Variants in NKAIN3 observed in about 807,000 individuals in gnomAD.
The protein encoded by NKAIN3 is sodium/potassium transporting ATPase interacting 3, also known as sodium/potassium-transporting ATPase subunit beta-1-interacting protein 3.
NKAIN3 carries 25 observed loss-of-function variants against 30.2 expected under a neutral mutation model. The observed-to-expected ratio is 0.83, with a 90% CI of 0.60 to 1.16. The LOEUF (loss-of-function observed/expected upper bound fraction) is 1.16. NKAIN3 is among the 50% of genes most tolerant of loss of function. NKAIN3 has a pLI of 0.00. For missense variants in NKAIN3, 225 were observed against 254.1 expected, an observed-to-expected ratio of 0.89 and a Z score of 0.78; for synonymous variants, 91 against 89.6, an observed-to-expected ratio of 1.02 and a Z score of -0.09.
chr8:62,252,066 C>A (rs554481145), intron 1 of NKAIN3, among the ~76,000 whole-genome samples: 1 of 152,264 alleles, frequency 6.6e-6, no homozygotes, highest in South Asian at 2.1e-4. Flanking sequence ...CCCGTATAAG[C>A]CTGCTTCAGC....
chr8:62,531,330 C>T (rs556620072), intron 1 of NKAIN3, among the ~76,000 whole-genome samples: 2 of 152,312 alleles, frequency 1.3e-5, no homozygotes, highest in South Asian at 4.1e-4. Context: ...ACCCCACACT[C>T]TACTAAATCT....
At chr8:62,828,805 C>T (rs1421827294) in intron 4 of NKAIN3, among the ~76,000 whole-genome samples, 1 of 152,108 alleles carries the variant, frequency 6.6e-6, no homozygotes, top group Non-Finnish European at 1.5e-5. Context: ...CAAGCAGCTC[C>T]GTAGATAATC....
At chr8:62,581,800 C>CCCTCCCTTCCTTCTATCCTTT (rs1810304251) in intron 2 of NKAIN3, among the ~76,000 whole-genome samples, 1 of 68,696 alleles carries the variant, frequency 1.5e-5, no homozygotes, top group African/African-American at 5.7e-5. Flanking sequence ...TCCCACCTAT[C>CCCTCCCTTCCTTCTATCCTTT]CTCCCTCCCT....
chr8:62,376,518 G>GCCC (rs1817089167), intron 1 of NKAIN3, among the ~76,000 whole-genome samples: 1 of 152,160 alleles, frequency 6.6e-6, no homozygotes. Context: ...GGACTCCCAG[G>GCCC]TGAGTCCTTC....
At chr8:62,330,422 G>A (rs1319959869) in intron 1 of NKAIN3, among the ~76,000 whole-genome samples, 2 of 151,996 alleles carry the variant, frequency 1.3e-5, no homozygotes, top group Non-Finnish European at 2.9e-5. Flanking sequence ...GTGGCAGTAG[G>A]AAAGAGAGGG....
chr8:62,555,312 A>G (rs1809353255), intron 1 of NKAIN3, among the ~76,000 whole-genome samples: 1 of 152,194 alleles, frequency 6.6e-6, no homozygotes, highest in South Asian at 2.1e-4. Context: ...GACATAGAAT[A>G]TTAAATAAGT....
intron 1 of NKAIN3, among the ~76,000 whole-genome samples, chr8:62,422,343 T>A (rs2129596848): frequency 6.6e-6 from 1 of 152,262 alleles, no homozygotes; most frequent in East Asian, 1.9e-4. Flanking sequence ...AGATTAGGAA[T>A]CTTTCTCTTG....
chr8:62,694,911 C>T (rs1586097850), intron 3 of NKAIN3, among the ~76,000 whole-genome samples: 5 of 152,270 alleles, frequency 3.3e-5, no homozygotes, highest in Middle Eastern at 3.4e-3. Context: ...ACGTCCTAAA[C>T]CCCAGTAATC....
intron 4 of NKAIN3, among the ~76,000 whole-genome samples, chr8:62,917,037 A>G (rs1822128206): frequency 6.6e-6 from 1 of 151,432 alleles, no homozygotes; most frequent in Admixed American, 6.6e-5. Flanking sequence ...CCAAAGTACC[A>G]CCATCCTTCT....
intron 4 of NKAIN3, among the ~76,000 whole-genome samples, chr8:62,832,558 A>ATTATCATTATAATGATATT (rs1819231298): frequency 1.4e-5 from 2 of 147,032 alleles, no homozygotes; most frequent in Non-Finnish European, 2.9e-5. Context: ...TGGAGTAAAC[A>ATTATCATTATAATGATATT]TTATCATTAT....
At chr8:62,911,562 A>G (rs1455432463) in intron 4 of NKAIN3, among the ~76,000 whole-genome samples, 6 of 152,094 alleles carry the variant, frequency 3.9e-5, no homozygotes, top group African/African-American at 7.2e-5. Context: ...AGTGACACTG[A>G]AAGAAAATCC....
At chr8:62,360,280 C>G (rs1816510336) in intron 1 of NKAIN3, among the ~76,000 whole-genome samples, 2 of 152,154 alleles carry the variant, frequency 1.3e-5, no homozygotes, top group Admixed American at 1.3e-4. Flanking sequence ...AAGATTGTGT[C>G]TAAATCCCTG....
At chr8:62,932,995 A>AACACACACACACAC (rs59854103) in intron 5 of NKAIN3, among the ~76,000 whole-genome samples, 3,717 of 141,790 alleles carry the variant, frequency 0.026, 84 homozygotes, top group African/African-American at 0.065. Context: ...TCACTCAATG[A>AACACACACACACAC]ACACACACAC....
At chr8:62,320,220 G>C (rs188465091) in intron 1 of NKAIN3, among the ~76,000 whole-genome samples, 1 of 152,012 alleles carries the variant, frequency 6.6e-6, no homozygotes, top group Non-Finnish European at 1.5e-5. Flanking sequence ...TTGAGCCTAC[G>C]TGTGTCTCTG....
intron 4 of NKAIN3, among the ~76,000 whole-genome samples, chr8:62,888,865 T>A (rs1821220703): frequency 6.6e-6 from 1 of 152,194 alleles, no homozygotes; most frequent in Non-Finnish European, 1.5e-5. Context: ...ATGAGTTATG[T>A]ATTTATGTGT....
Position 62,728,935 on chromosome 8 carries a change from A to T in NKAIN3, c.274-17997A>T, listed in dbSNP as rs1427965417. Among the ~76,000 whole-genome samples, 3 of 150,586 alleles carry T rather than the reference A, an allele frequency of 2.0e-5. No homozygotes were observed. The East Asian group carries it at 5.9e-4, about 30-fold the overall frequency. On this transcript the variant is annotated intron_variant, in intron 3 of 6. Transcript: ENST00000623646. ...AACCCGGAAGGCGGAGCTTGCAGTGAGCCGAGATCACGCCACTGCACTCCA... is the reference window on the plus strand; with the variant it reads ...AACCCGGAAGGCGGAGCTTGCAGTGTGCCGAGATCACGCCACTGCACTCCA...
chr8:62,671,173 T>G (rs1215838790), intron 3 of NKAIN3, among the ~76,000 whole-genome samples: 4 of 152,196 alleles, frequency 2.6e-5, no homozygotes, highest in Non-Finnish European at 4.4e-5. Flanking sequence ...TCTCCCAGGA[T>G]GAGACCAGAT....
chr8:62,414,965 T>G (rs978781974), intron 1 of NKAIN3, among the ~76,000 whole-genome samples: 20 of 150,086 alleles, frequency 1.3e-4, no homozygotes, highest in Non-Finnish European at 4.4e-5. Context: ...TATTTTGAGT[T>G]GAATCTCAGG....
chr8:62,753,695 A>G (rs1429647101), intron 4 of NKAIN3, among the ~76,000 whole-genome samples: 2 of 152,150 alleles, frequency 1.3e-5, no homozygotes, highest in Non-Finnish European at 2.9e-5. Context: ...ACTTATTGGT[A>G]GAAGCAGTCT....
Sources: allele counts gnomAD v4.1 joint callset (sites outside exome capture counted in the v4.1 genomes callset), GRCh38; gene constraint gnomAD v4.1.1; transcripts MANE v1.5; gene names NCBI Gene and HGNC (gene_info 2026-07-23, HGNC 2026-07-21).